The following NKAPD1 variants were observed in gnomAD, a reference collection of about 807,000 sequenced individuals.
The protein encoded by NKAPD1 is NKAP domain containing 1, also known as uncharacterized protein NKAPD1.
NKAPD1 carries 12 observed loss-of-function variants against 30.9 expected under a neutral mutation model. The ratio of observed to expected loss-of-function variants is 0.39; its 90% confidence interval spans 0.25 to 0.63. The LOEUF (loss-of-function observed/expected upper bound fraction) is 0.63, where lower values mean the gene tolerates loss of function less well. NKAPD1 is among the 20% of genes least tolerant of loss of function. The probability of loss-of-function intolerance (pLI) is 0.51; values close to 1 mark genes in which losing one functional copy is unlikely to be tolerated. For missense variants in NKAPD1, 311 were observed against 344.5 expected (o/e 0.90, Z 0.77); for synonymous variants, 91 against 113.6 (o/e 0.80, Z 1.26).
At chr11:112,081,907 GTCTT>G in intron 4 of NKAPD1, 71 bp from the exon 5 acceptor site, 1 of 1,213,604 alleles carries the variant, frequency 8.2e-7, no homozygotes, top group South Asian at 1.2e-5. Flanking sequence ...GTACTCCAAA[GTCTT>G]TCTAATGTTG....
chr11:112,075,453 G>T, intron 1 of NKAPD1, 114 bp from the exon 2 acceptor site: 1 of 727,950 alleles, frequency 1.4e-6, no homozygotes, highest in South Asian at 1.8e-5. Context: ...TAGAATCTCT[G>T]ACTTCTAGTT....
chr11:112,077,575 G>A (rs1287102828), intron 2 of NKAPD1, among the ~76,000 whole-genome samples: 1 of 152,186 alleles, frequency 6.6e-6, no homozygotes. Flanking sequence ...AGGTTCAATT[G>A]AGATGATATA....
intron 2 of NKAPD1, among the ~76,000 whole-genome samples, chr11:112,076,617 T>A (rs1001738260): frequency 7.2e-5 from 11 of 152,242 alleles, no homozygotes; most frequent in Non-Finnish European, 4.4e-5. Flanking sequence ...ACATGTATTA[T>A]ATACTGTATT....
intron 2 of NKAPD1, among the ~76,000 whole-genome samples, chr11:112,077,129 G>C (rs1865346234): frequency 6.6e-6 from 1 of 152,162 alleles, no homozygotes. Flanking sequence ...TACTACTTTT[G>C]GTTTGATCAT....
At chr11:112,080,663 A>G (rs1865429344) in intron 4 of NKAPD1, 105 bp downstream of exon 4, 9 of 1,293,916 alleles carry the variant, frequency 7.0e-6, no homozygotes, top group Middle Eastern at 2.6e-4. Flanking sequence ...TCATACCAGC[A>G]TTATTAATAA....
chr11:112,079,871 G>A (rs1865408542), intron 3 of NKAPD1, among the ~76,000 whole-genome samples: 1 of 151,788 alleles, frequency 6.6e-6, no homozygotes. Context: ...GAGTACAATG[G>A]CATGATCTGG....
chr11:112,079,292 C>T (rs1865395479), intron 3 of NKAPD1, among the ~76,000 whole-genome samples: 1 of 151,900 alleles, frequency 6.6e-6, no homozygotes, highest in Admixed American at 6.6e-5. Context: ...ATTACAGGCA[C>T]CTGCCACCAC....
intron 1 of NKAPD1, 111 bp downstream of exon 1, chr11:112,075,027 CA>C (rs1865284770): frequency 6.5e-6 from 1 of 154,272 alleles, no homozygotes; most frequent in Admixed American, 6.5e-5. Flanking sequence ...AAAATGCCCC[CA>C]AATGGAGAAA....
At position 112,083,532 on chromosome 11, in the gene NKAPD1, A is replaced by C. The variant is rs959796040; in HGVS notation, c.*560A>C. The C allele has an allele frequency of 6.5e-6, 1 of 152,704 alleles. No homozygotes were observed. Among genetic ancestry groups the C allele is most frequent in the Non-Finnish European group, 1.5e-5 (1 of 68,096 alleles). 9.5% of individuals were successfully genotyped at this position (152,704 alleles called of 1,614,324 possible). A position where few individuals can be genotyped will look rare whatever the true frequency, so the allele number is the denominator to read the frequency against. Reference sequence around the variant, plus strand: ...TAAGAACAAACCTTTTCCCTTCATGATAACATCCATAGACAACTTATTAGA... The same window carrying C: ...TAAGAACAAACCTTTTCCCTTCATGCTAACATCCATAGACAACTTATTAGA... On this transcript the variant is annotated 3_prime_UTR_variant, in exon 6 of 6. Transcript: ENST00000393047.
rs1470490362 is a variant in NKAPD1, at chr11:112,080,706, ATGTC to A, written c.320+153_320+156del. 1.1e-5 allele frequency: 9 copies of A among 789,676 alleles called. No individual in the cohort carries two copies. In the African/African-American group the frequency reaches 1.6e-4, roughly 14 times the overall value. 48.9% of individuals were successfully genotyped at this position (789,676 alleles called of 1,614,324 possible). On this transcript the variant is annotated intron_variant, in intron 4 of 5. Coordinates refer to ENST00000393047, the MANE Select transcript of NKAPD1 (RefSeq NM_018195.4). The stretch of plus-strand genomic sequence containing the variant: ...AAAAAATAATGGCCAAGTAATCCAA[ATGTC>A]TGTCAACTGATGAATGGGTAAACAA...
rs1345851700 is a variant in NKAPD1, at chr11:112,082,883, A to G, written c.793A>G (p.Asn265Asp). ...REKKAHTSVA[N>D]NEIQERTNKR... ...GAAAAAAGCCCATACCTCTGTAGCC[A>G]ACAATGAAATACAGGAGAGGACAAA... Residue 265 changes from asparagine (N) to aspartate (D), a missense_variant, in exon 6 of 6, where the codon AAC (asparagine) becomes GAC (aspartate). Coordinates refer to ENST00000393047, the MANE Select transcript of NKAPD1 (RefSeq NM_018195.4). 4 of 1,613,406 alleles carry G rather than the reference A, an allele frequency of 2.5e-6. No homozygotes were observed. Among genetic ancestry groups the G allele is most frequent in the Non-Finnish European group, 3.4e-6 (4 of 1,179,936 alleles).
rs1007126284 is a variant in NKAPD1, at chr11:112,084,034, GAACGC to G, written c.*1065_*1069del. ...ACATATCACTGAAAGAAGGCTGGCAGAACGCAAGTGCATTTTTTCACTGTGGGAAG... is the reference window on the plus strand; with the variant it reads ...ACATATCACTGAAAGAAGGCTGGCAGAAGTGCATTTTTTCACTGTGGGAAG... On this transcript the variant is annotated 3_prime_UTR_variant, in exon 6 of 6. Coordinates refer to ENST00000393047, the MANE Select transcript of NKAPD1 (RefSeq NM_018195.4). 1 of 152,632 alleles carries G rather than the reference GAACGC, an allele frequency of 6.6e-6. No individual in the cohort carries two copies. The highest frequency in any genetic ancestry group is 1.5e-5 in the Non-Finnish European group (1 of 68,048). 9.5% of individuals were successfully genotyped at this position (152,632 alleles called of 1,614,324 possible).
At chr11:112,078,787 C>G (rs923580586) in intron 3 of NKAPD1, among the ~76,000 whole-genome samples, 1 of 152,106 alleles carries the variant, frequency 6.6e-6, no homozygotes. Context: ...CCTGGGCTCA[C>G]GCAGTCCTCC....
intron 3 of NKAPD1, among the ~76,000 whole-genome samples, chr11:112,079,692 T>G (rs1485557505): frequency 6.6e-6 from 1 of 152,248 alleles, no homozygotes; most frequent in Non-Finnish European, 1.5e-5. Flanking sequence ...CTTCCCTCTT[T>G]GCATGCCCTC....
Position 112,082,531 on chromosome 11 carries a change from A to G in NKAPD1, c.441A>G (p.Glu147=). The G allele has an allele frequency of 5.0e-6, 8 of 1,611,174 alleles. No homozygotes were observed. Among genetic ancestry groups the G allele is most frequent in the Non-Finnish European group, 6.8e-6 (8 of 1,179,536 alleles). ...TSPQVKSSTH[E]SRKHKKSKKS... ...CCCAGGTAAAGTCATCTACCCATGA[A>G]TCCCGCAAACACAAGAAGTCAAAGA... Residue 147 remains glutamate (E), a synonymous_variant, in exon 6 of 6, where the codon GAA becomes GAG. Coordinates refer to ENST00000393047, the MANE Select transcript of NKAPD1 (RefSeq NM_018195.4).
At chr11:112,080,269 C>CA (rs1173596293) in intron 3 of NKAPD1, 140 bp from the exon 4 acceptor site, 1 of 552,024 alleles carries the variant, frequency 1.8e-6, no homozygotes, top group African/African-American at 2.1e-5. Flanking sequence ...ATGTCTTTGC[C>CA]TTTTTTTTTT....
chr11:112,080,031 T>C (rs758336930), intron 3 of NKAPD1, among the ~76,000 whole-genome samples: 3 of 152,094 alleles, frequency 2.0e-5, no homozygotes, highest in Non-Finnish European at 4.4e-5. Flanking sequence ...CCCAGGCTGG[T>C]CTTGAACTCC....
At chr11:112,080,269 CTTT>C (rs571411828) in intron 3 of NKAPD1, 137 bp from the exon 4 acceptor site, 547 of 591,050 alleles carry the variant, frequency 9.3e-4, no homozygotes, top group Middle Eastern at 1.5e-3. Flanking sequence ...ATGTCTTTGC[CTTT>C]TTTTTTTTTT....
At position 112,082,284 on chromosome 11, in the gene NKAPD1, C is replaced by T. The variant is rs1400847809; in HGVS notation, c.375-181C>T. 3 of 708,808 alleles carry T rather than the reference C, an allele frequency of 4.2e-6. No homozygotes were observed. The Admixed American group carries it at 1.1e-4, about 25-fold the overall frequency. 43.9% of individuals were successfully genotyped at this position (708,808 alleles called of 1,614,324 possible). ...CAGTATGGCAGCTTAGAATTTTTAC[C>T]TTCATTTTAAAGATGAGGAAACAAA... On this transcript the variant is annotated intron_variant, in intron 5 of 5. Coordinates refer to ENST00000393047, the MANE Select transcript of NKAPD1 (RefSeq NM_018195.4).
Sources: allele counts gnomAD v4.1 joint callset (sites outside exome capture counted in the v4.1 genomes callset), GRCh38; gene constraint gnomAD v4.1.1; transcripts MANE v1.5; gene names NCBI Gene and HGNC (gene_info 2026-07-23, HGNC 2026-07-21).